The following KLHL1 variants were observed in gnomAD, a reference collection of about 807,000 sequenced individuals.
KLHL1 encodes kelch-like protein 1.
Under a neutral mutation model 77.7 loss-of-function variants are expected in KLHL1, and 47 were observed. The observed-to-expected ratio is 0.60, with a 90% CI of 0.48 to 0.77. The LOEUF is 0.77. KLHL1 is among the 30% of genes least tolerant of loss of function. The pLI is 0.00. For synonymous variants in KLHL1, 360 were observed against 325.2 expected (o/e 1.11, Z -1.15); for missense variants, 925 against 910.8 (o/e 1.02, Z -0.20).
At chr13:69,833,371 A>T (rs1878842581) in intron 6 of KLHL1, among the ~76,000 whole-genome samples, 1 of 152,046 alleles carries the variant, frequency 6.6e-6, no homozygotes, top group Non-Finnish European at 1.5e-5. Flanking sequence ...AACATCACTA[A>T]TGATCAGGGA....
At chr13:69,799,282 C>G (rs1877269349) in intron 6 of KLHL1, among the ~76,000 whole-genome samples, 1 of 152,128 alleles carries the variant, frequency 6.6e-6, no homozygotes, top group South Asian at 2.1e-4. Context: ...TGCTAAAAAT[C>G]TTTGCAGGGA....
intron 3 of KLHL1, among the ~76,000 whole-genome samples, chr13:69,953,497 T>A (rs1223491868): frequency 6.6e-6 from 1 of 151,184 alleles, no homozygotes; most frequent in Non-Finnish European, 1.5e-5. Context: ...TGATTTTACA[T>A]CTTATAATAA....
intron 1 of KLHL1, among the ~76,000 whole-genome samples, chr13:70,073,143 G>T (rs535893176): frequency 9.2e-5 from 14 of 152,198 alleles, no homozygotes; most frequent in African/African-American, 3.4e-4. Flanking sequence ...CACGATAGCA[G>T]ACTTGGAACC....
chr13:69,876,510 G>A (rs1014778272), intron 5 of KLHL1, among the ~76,000 whole-genome samples: 1 of 152,162 alleles, frequency 6.6e-6, no homozygotes, highest in East Asian at 1.9e-4. Flanking sequence ...ATACTTGAAT[G>A]TCCTTGTTAT....
At chr13:70,010,314 G>A (rs1885502512) in intron 1 of KLHL1, among the ~76,000 whole-genome samples, 2 of 151,974 alleles carry the variant, frequency 1.3e-5, no homozygotes, top group Non-Finnish European at 2.9e-5. Context: ...AAAGCCTGTT[G>A]TAAAAGACCA....
chr13:69,743,359 GGTA>G (rs1411838848), intron 7 of KLHL1, among the ~76,000 whole-genome samples: 1 of 152,088 alleles, frequency 6.6e-6, no homozygotes, highest in African/African-American at 2.4e-5. Context: ...AAAAGTACAA[GGTA>G]GTAGATTGAA....
chr13:69,705,417 C>G (rs1875579399), intron 10 of KLHL1, among the ~76,000 whole-genome samples: 1 of 151,552 alleles, frequency 6.6e-6, no homozygotes, highest in African/African-American at 2.4e-5. Flanking sequence ...TCCAAATATT[C>G]ACATATTTGG....
intron 1 of KLHL1, among the ~76,000 whole-genome samples, chr13:70,092,306 T>C (rs963076731): frequency 2.6e-5 from 4 of 152,190 alleles, no homozygotes; most frequent in Admixed American, 2.0e-4. Flanking sequence ...ATTTTTATTG[T>C]CAGCTATCAC....
At chr13:69,892,640 A>G (rs183466764) in intron 4 of KLHL1, among the ~76,000 whole-genome samples, 1 of 152,336 alleles carries the variant, frequency 6.6e-6, no homozygotes, top group East Asian at 1.9e-4. Context: ...GAACTAAAGA[A>G]TTTTATTGTC....
chr13:70,010,263 ATAGAT>A (rs1350834690), intron 1 of KLHL1, among the ~76,000 whole-genome samples: 4 of 152,144 alleles, frequency 2.6e-5, no homozygotes, highest in African/African-American at 7.2e-5. Context: ...TATGTATAGA[ATAGAT>A]TATTTAGACA....
intron 7 of KLHL1, among the ~76,000 whole-genome samples, chr13:69,781,487 T>A (rs1339156036): frequency 6.6e-6 from 1 of 152,136 alleles, no homozygotes; most frequent in Non-Finnish European, 1.5e-5. Flanking sequence ...CATTATTTTC[T>A]AGCACCTAGG....
intron 4 of KLHL1, among the ~76,000 whole-genome samples, chr13:69,936,682 A>T (rs1883198745): frequency 6.6e-6 from 1 of 151,866 alleles, no homozygotes; most frequent in African/African-American, 2.4e-5. Flanking sequence ...AAAATAAAAC[A>T]CTCAATGTTC....
chr13:69,856,193 T>G (rs1045704187), intron 5 of KLHL1, among the ~76,000 whole-genome samples: 5 of 151,800 alleles, frequency 3.3e-5, no homozygotes, highest in African/African-American at 1.2e-4. Context: ...ATTGTTCAGT[T>G]GAAAAATAAA....
intron 7 of KLHL1, among the ~76,000 whole-genome samples, chr13:69,766,987 G>A (rs1875334874): frequency 6.6e-6 from 1 of 152,128 alleles, no homozygotes; most frequent in African/African-American, 2.4e-5. Context: ...ACAATGAACA[G>A]CATAGACAAT....
At chr13:69,752,863 C>T (rs1176970317) in intron 7 of KLHL1, among the ~76,000 whole-genome samples, 1 of 152,198 alleles carries the variant, frequency 6.6e-6, no homozygotes, top group Non-Finnish European at 1.5e-5. Context: ...AGTGTGCTCA[C>T]TCATAACTGA....
chr13:69,788,504 A>C (rs974249507), intron 7 of KLHL1, among the ~76,000 whole-genome samples: 1 of 151,960 alleles, frequency 6.6e-6, no homozygotes, highest in African/African-American at 2.4e-5. Flanking sequence ...CACTTCGGGG[A>C]CTGTTGTGGG....
chr13:69,770,639 A>G (rs1030006366), intron 7 of KLHL1, among the ~76,000 whole-genome samples: 24 of 152,186 alleles, frequency 1.6e-4, no homozygotes, highest in African/African-American at 5.8e-4. Context: ...GTCCTAAGAC[A>G]TTAATCTTTC....
chr13:69,801,317 A>T (rs1309770818), intron 6 of KLHL1, among the ~76,000 whole-genome samples: 3 of 152,154 alleles, frequency 2.0e-5, no homozygotes, highest in Non-Finnish European at 4.4e-5. Context: ...CTAGATTTTT[A>T]AAATGTGCAA....
chr13:69,732,153 T>C (rs964531601), intron 8 of KLHL1, among the ~76,000 whole-genome samples: 2 of 152,078 alleles, frequency 1.3e-5, no homozygotes, highest in African/African-American at 4.8e-5. Flanking sequence ...CATAAACAAA[T>C]TGGCATTGAT....
Sources: allele counts gnomAD v4.1 joint callset (sites outside exome capture counted in the v4.1 genomes callset), GRCh38; gene constraint gnomAD v4.1.1; transcripts MANE v1.5; gene names NCBI Gene and HGNC (gene_info 2026-07-23, HGNC 2026-07-21).